THSD4: variants seen among roughly 807,000 people sequenced by gnomAD.
THSD4 encodes the protein thrombospondin type 1 domain containing 4, also known as thrombospondin type-1 domain-containing protein 4.
Under a neutral mutation model 119.0 loss-of-function variants are expected in THSD4, and 69 were observed. The observed-to-expected ratio is 0.58, with a 90% confidence interval of 0.48 to 0.71. The LOEUF is 0.71. Among genes scored for constraint, THSD4 ranks in the 30% least tolerant of loss-of-function variants. THSD4 has a pLI of 0.00. For synonymous variants in THSD4, 524 were observed against 540.4 expected (o/e 0.97, Z 0.42); for missense variants, 1,393 against 1,391.1 (o/e 1.00, Z -0.02).
intron 7 of THSD4, among the ~76,000 whole-genome samples, chr15:71,626,123 T>C (rs908997328): frequency 1.3e-5 from 2 of 152,200 alleles, no homozygotes; most frequent in Admixed American, 6.5e-5. Context: ...GAGTATGTTA[T>C]TTTGCATTCT....
intron 4 of THSD4, among the ~76,000 whole-genome samples, chr15:71,218,535 A>G (rs1041234157): frequency 1.3e-5 from 2 of 152,176 alleles, no homozygotes; most frequent in African/African-American, 2.4e-5. Flanking sequence ...ACTGTTTACT[A>G]TGAAGTTCCT....
At chr15:71,713,717 G>C (rs2052556716) in intron 8 of THSD4, among the ~76,000 whole-genome samples, 1 of 152,032 alleles carries the variant, frequency 6.6e-6, no homozygotes. Context: ...CTCTACCCCA[G>C]ATAAATTCAT....
chr15:71,126,490 GA>G (rs1215316005), intron 1 of THSD4, among the ~76,000 whole-genome samples: 1 of 152,190 alleles, frequency 6.6e-6, no homozygotes, highest in African/African-American at 2.4e-5. Flanking sequence ...AGGGAATAGG[GA>G]AAGTTTAAAT....
At chr15:71,404,332 A>G (rs1451163004) in intron 6 of THSD4, among the ~76,000 whole-genome samples, 1 of 152,168 alleles carries the variant, frequency 6.6e-6, no homozygotes, top group Non-Finnish European at 1.5e-5. Flanking sequence ...TGTAAATGGA[A>G]TTATGCAATA....
At chr15:71,174,333 AG>A (rs1201011449) in intron 3 of THSD4, among the ~76,000 whole-genome samples, 2 of 151,914 alleles carry the variant, frequency 1.3e-5, no homozygotes, top group East Asian at 1.9e-4. Context: ...GGGAAGCGCA[AG>A]GGGTCAGGGA....
At chr15:71,303,204 G>A (rs2044976837) in intron 6 of THSD4, among the ~76,000 whole-genome samples, 1 of 152,116 alleles carries the variant, frequency 6.6e-6, no homozygotes, top group African/African-American at 2.4e-5. Flanking sequence ...CAGAATGACT[G>A]TGCACAGACA....
intron 11 of THSD4, among the ~76,000 whole-genome samples, chr15:71,741,770 C>T (rs1447891592): frequency 6.6e-6 from 1 of 152,042 alleles, no homozygotes; most frequent in Non-Finnish European, 1.5e-5. Context: ...ACATGTCTAG[C>T]TCTTCTTTAC....
intron 6 of THSD4, among the ~76,000 whole-genome samples, chr15:71,340,456 A>G (rs2045551199): frequency 6.6e-6 from 1 of 152,172 alleles, no homozygotes; most frequent in Non-Finnish European, 1.5e-5. Context: ...TCCATGAGGG[A>G]TGAGCTGGAA....
chr15:71,396,802 G>T (rs1051359729), intron 6 of THSD4, among the ~76,000 whole-genome samples: 1 of 152,170 alleles, frequency 6.6e-6, no homozygotes, highest in Non-Finnish European at 1.5e-5. Context: ...GTTTTGAACG[G>T]CATGGTGCCT....
chr15:71,598,936 T>A (rs2049956752), intron 7 of THSD4, among the ~76,000 whole-genome samples: 1 of 152,172 alleles, frequency 6.6e-6, no homozygotes, highest in East Asian at 1.9e-4. Flanking sequence ...TTTTTAAAGA[T>A]TGACAAAGGC....
intron 7 of THSD4, among the ~76,000 whole-genome samples, chr15:71,500,200 A>G (rs370273930): frequency 6.6e-6 from 1 of 151,708 alleles, no homozygotes; most frequent in Non-Finnish European, 1.5e-5. Context: ...GTGATATTTC[A>G]TTGTGGTTTT....
intron 7 of THSD4, among the ~76,000 whole-genome samples, chr15:71,447,230 C>T (rs1396745607): frequency 1.4e-5 from 2 of 147,866 alleles, no homozygotes; most frequent in African/African-American, 2.5e-5. Flanking sequence ...AAGGAATTCT[C>T]CTGCCTCAGC....
intron 4 of THSD4, among the ~76,000 whole-genome samples, chr15:71,238,833 T>C (rs942008528): frequency 6.6e-6 from 1 of 152,234 alleles, no homozygotes; most frequent in African/African-American, 2.4e-5. Flanking sequence ...CTAGGTCTTG[T>C]GGTAACACTA....
intron 6 of THSD4, among the ~76,000 whole-genome samples, chr15:71,408,250 G>A (rs1347905763): frequency 6.6e-6 from 1 of 152,016 alleles, no homozygotes; most frequent in Non-Finnish European, 1.5e-5. Context: ...TTTTTGAAAT[G>A]GGATCTTGCT....
chr15:71,742,155 A>T (rs955154162), intron 11 of THSD4, among the ~76,000 whole-genome samples: 2 of 152,210 alleles, frequency 1.3e-5, no homozygotes, highest in African/African-American at 4.8e-5. Context: ...ACCCTCGCCT[A>T]AACCCTTCTC....
At chr15:71,254,783 G>A (rs1306109129) in intron 5 of THSD4, among the ~76,000 whole-genome samples, 1 of 152,184 alleles carries the variant, frequency 6.6e-6, no homozygotes, top group East Asian at 1.9e-4. Context: ...TTGCCAGCAG[G>A]TTGGCTTCCA....
chr15:71,561,765 G>T (rs12440264), intron 7 of THSD4, among the ~76,000 whole-genome samples: 7,696 of 152,104 alleles, frequency 0.051, 716 homozygotes, highest in East Asian at 0.44. Flanking sequence ...GATTTCCAAA[G>T]CTACAAGTGT....
intron 6 of THSD4, among the ~76,000 whole-genome samples, chr15:71,294,775 T>C (rs1205234275): frequency 6.6e-6 from 1 of 152,168 alleles, no homozygotes; most frequent in African/African-American, 2.4e-5. Flanking sequence ...GCAAAGATCT[T>C]CTACTAAGAT....
intron 14 of THSD4, among the ~76,000 whole-genome samples, chr15:71,751,699 G>T (rs2053451277): frequency 6.6e-6 from 1 of 151,572 alleles, no homozygotes; most frequent in South Asian, 2.1e-4. Flanking sequence ...ACCAGGTCTT[G>T]CTCTGTTGCC....
Sources: allele counts gnomAD v4.1 joint callset (sites outside exome capture counted in the v4.1 genomes callset), GRCh38; gene constraint gnomAD v4.1.1; transcripts MANE v1.5; gene names NCBI Gene and HGNC (gene_info 2026-07-23, HGNC 2026-07-21).